GNAQ: variants seen among roughly 807,000 people sequenced by gnomAD.
GNAQ encodes the protein guanine nucleotide-binding protein G(q) subunit alpha.
GNAQ carries 8 observed loss-of-function variants against 43.9 expected under a neutral mutation model. That is an observed-to-expected ratio of 0.18 (90% CI 0.11 to 0.33). GNAQ has a LOEUF of 0.33. Ranked by LOEUF, GNAQ falls within the 10% of genes least tolerant of loss-of-function variation. GNAQ has a pLI of 1.00. For synonymous variants in GNAQ, 155 were observed against 170.7 expected (o/e 0.91, Z 0.71); for missense variants, 158 against 450.8 (o/e 0.35, Z 5.88).
intron 2 of GNAQ, among the ~76,000 whole-genome samples, chr9:77,830,231 G>T (rs1318969803): frequency 6.6e-6 from 1 of 152,176 alleles, no homozygotes; most frequent in Non-Finnish European, 1.5e-5. Context: ...GGGATTACAG[G>T]TGTGAGCCAC....
chr9:77,875,717 C>T (rs1208941446), intron 2 of GNAQ, among the ~76,000 whole-genome samples: 1 of 152,140 alleles, frequency 6.6e-6, no homozygotes, highest in African/African-American at 2.4e-5. Context: ...CAATCATGCA[C>T]CCAATGGGAA....
intron 1 of GNAQ, among the ~76,000 whole-genome samples, chr9:78,015,158 A>G (rs796130526): frequency 1.1e-4 from 16 of 152,294 alleles, no homozygotes; most frequent in Non-Finnish European, 1.8e-4. Flanking sequence ...CTATGTTAAG[A>G]TATGTTTGGA....
intron 1 of GNAQ, among the ~76,000 whole-genome samples, chr9:77,992,195 A>G (rs898850409): frequency 2.0e-5 from 3 of 152,188 alleles, no homozygotes; most frequent in African/African-American, 7.2e-5. Context: ...GCAGTGTTTA[A>G]GAGTGTTCCC....
At chr9:77,736,576 C>T (rs1380618226) in intron 5 of GNAQ, among the ~76,000 whole-genome samples, 1 of 152,130 alleles carries the variant, frequency 6.6e-6, no homozygotes, top group Non-Finnish European at 1.5e-5. Context: ...AGAAATAGAA[C>T]ATATTTGCCT....
At chr9:78,004,360 C>T (rs1823680225) in intron 1 of GNAQ, among the ~76,000 whole-genome samples, 1 of 152,002 alleles carries the variant, frequency 6.6e-6, no homozygotes, top group African/African-American at 2.4e-5. Context: ...CATCACCATT[C>T]TCCGAAGTGG....
chr9:77,897,042 C>T (rs182697597), intron 2 of GNAQ, among the ~76,000 whole-genome samples: 34 of 152,272 alleles, frequency 2.2e-4, no homozygotes, highest in African/African-American at 7.5e-4. Context: ...CACTTAAGTC[C>T]CATTTGAGAG....
chr9:77,776,984 A>C (rs886178679), intron 5 of GNAQ, among the ~76,000 whole-genome samples: 2 of 152,058 alleles, frequency 1.3e-5, no homozygotes, highest in Non-Finnish European at 2.9e-5. Context: ...CATACTTTCT[A>C]ATTTCAAAGC....
chr9:77,771,981 T>A (rs1199629323), intron 5 of GNAQ, among the ~76,000 whole-genome samples: 1 of 152,130 alleles, frequency 6.6e-6, no homozygotes, highest in Non-Finnish European at 1.5e-5. Flanking sequence ...CCACTCTGCA[T>A]TCACCCTTCC....
intron 2 of GNAQ, among the ~76,000 whole-genome samples, chr9:77,888,720 A>G (rs890127550): frequency 4.5e-4 from 68 of 152,178 alleles, no homozygotes; most frequent in Admixed American, 1.4e-3. Context: ...CAGATTTTGG[A>G]AAAAAAGTGA....
At chr9:77,879,798 A>C (rs1828182117) in intron 2 of GNAQ, among the ~76,000 whole-genome samples, 1 of 152,250 alleles carries the variant, frequency 6.6e-6, no homozygotes, top group Non-Finnish European at 1.5e-5. Flanking sequence ...ACTAGAAAGA[A>C]AACAGACCAT....
At chr9:77,736,324 A>T (rs998908453) in intron 5 of GNAQ, among the ~76,000 whole-genome samples, 1 of 152,204 alleles carries the variant, frequency 6.6e-6, no homozygotes, top group Admixed American at 6.5e-5. Flanking sequence ...GAGTAGGTGG[A>T]GTGAGAAATA....
intron 5 of GNAQ, among the ~76,000 whole-genome samples, chr9:77,788,877 C>T (rs932868991): frequency 2.6e-5 from 4 of 152,274 alleles, no homozygotes; most frequent in African/African-American, 9.6e-5. Flanking sequence ...TTGGTTCCCT[C>T]GAGGGATATT....
rs139291086 is a variant in GNAQ, at chr9:77,826,444, C to T, written c.322-10674G>A. On this transcript the variant is annotated intron_variant, in intron 2 of 6. Coordinates refer to ENST00000286548, the MANE Select transcript of GNAQ (RefSeq NM_002072.5). ...GCTAGAATCCATTAAAAAACGTGCA[C>T]CTGGGATCTTCTGATGTTCTTTCCC... 2.3e-3 allele frequency among the ~76,000 whole-genome samples: 348 copies of T among 152,292 alleles called. 3 individuals carry two copies. Among genetic ancestry groups the T allele is most frequent in the African/African-American group, 7.8e-3 (325 of 41,556 alleles).
chr9:77,780,267 C>T (rs1004618535), intron 5 of GNAQ, among the ~76,000 whole-genome samples: 1 of 151,842 alleles, frequency 6.6e-6, no homozygotes, highest in Non-Finnish European at 1.5e-5. Flanking sequence ...AAATCTCTCC[C>T]TCCCCATACC....
chr9:77,730,814 T>C (rs1825476536), intron 5 of GNAQ, among the ~76,000 whole-genome samples: 1 of 152,204 alleles, frequency 6.6e-6, no homozygotes. Context: ...CACTGAGAAA[T>C]GATATCTTGT....
chr9:77,889,557 A>G (rs1828368391), intron 2 of GNAQ, among the ~76,000 whole-genome samples: 1 of 152,010 alleles, frequency 6.6e-6, no homozygotes, highest in South Asian at 2.1e-4. Flanking sequence ...TTCTCAAAGA[A>G]GGATCAACTG....
chr9:77,784,137 G>A (rs896793324), intron 5 of GNAQ, among the ~76,000 whole-genome samples: 4 of 151,866 alleles, frequency 2.6e-5, no homozygotes, highest in Non-Finnish European at 4.4e-5. Flanking sequence ...AAAAGTGAGT[G>A]GATGGTTCTT....
chr9:77,933,523 T>C (rs1829183748), intron 1 of GNAQ, among the ~76,000 whole-genome samples: 1 of 152,012 alleles, frequency 6.6e-6, no homozygotes, highest in African/African-American at 2.4e-5. Context: ...TGCACGCCTG[T>C]GGTCCCAGAC....
chr9:77,849,698 T>G (rs1205587558), intron 2 of GNAQ, among the ~76,000 whole-genome samples: 1 of 152,122 alleles, frequency 6.6e-6, no homozygotes, highest in African/African-American at 2.4e-5. Context: ...TTACTTGCCT[T>G]CTCTGATGCC....
Sources: gnomAD v4.1 joint callset for allele counts (sites outside exome capture counted in the v4.1 genomes callset) on GRCh38, gnomAD v4.1.1 for gene constraint, MANE v1.5 for transcripts, NCBI Gene and HGNC (gene_info 2026-07-23, HGNC 2026-07-21) for gene names.